Variants in LRRCC1 observed in about 807,000 individuals in gnomAD.
LRRCC1 encodes leucine-rich repeat and coiled-coil domain-containing protein 1.
In LRRCC1, 115 loss-of-function variants were observed where a neutral mutation model predicts 126.0. The observed-to-expected ratio is 0.91, with a 90% CI of 0.78 to 1.07. The LOEUF is 1.07. Ranked by LOEUF, LRRCC1 falls within the 50% of genes least tolerant of loss-of-function variation. The pLI, the probability that LRRCC1 is intolerant of heterozygous loss-of-function variation, is 0.00. For missense variants in LRRCC1, 1,172 were observed against 1,175.7 expected (o/e 1.00, Z 0.05); for synonymous variants, 400 against 393.4 (o/e 1.02, Z -0.20).
intron 8 of LRRCC1, among the ~76,000 whole-genome samples, chr8:85,125,309 A>G (rs1809890340): frequency 6.6e-6 from 1 of 152,174 alleles, no homozygotes; most frequent in African/African-American, 2.4e-5. Flanking sequence ...TACACTCAAA[A>G]AAATGTATAT....
chr8:85,141,877 A>C (rs1811277027), intron 18 of LRRCC1, among the ~76,000 whole-genome samples: 1 of 152,190 alleles, frequency 6.6e-6, no homozygotes, highest in South Asian at 2.1e-4. Flanking sequence ...CCTTGGAAAA[A>C]GTTATCAGAG....
chr8:85,111,767 G>A (rs1808736816), intron 3 of LRRCC1, among the ~76,000 whole-genome samples: 2 of 151,960 alleles, frequency 1.3e-5, no homozygotes, highest in African/African-American at 4.8e-5. Context: ...TTCACACCTA[G>A]AATAGCTAAA....
intron 17 of LRRCC1, 144 bp from the exon 18 acceptor site, chr8:85,141,232 GTTACCC>G (rs2136004580): frequency 1.9e-6 from 1 of 537,318 alleles, no homozygotes; most frequent in South Asian, 3.4e-5. Context: ...TATATCTTTA[GTTACCC>G]TATAATAGCC....
rs754615983 is a variant in LRRCC1 at position 85,129,961 on chromosome 8, G to T, written c.1669G>T (p.Asp557Tyr). 1 of 1,595,664 alleles carries T rather than the reference G, an allele frequency of 6.3e-7. No homozygotes were observed. The highest frequency in any genetic ancestry group is 1.1e-5 in the South Asian group (1 of 87,866). The change falls in exon 11 of 19, where the codon GAT becomes TAT. Residue 557 changes from aspartate (D) to tyrosine (Y), a missense_variant. Transcript: ENST00000360375. ...QEVELKASAA[D>Y]REIYLLRTSL... The stretch of plus-strand genomic sequence containing the variant: ...GGTGGAACTCAAAGCTTCAGCTGCC[G>T]ATAGAGAAATATACTTACTTAGAAC...
intron 17 of LRRCC1, among the ~76,000 whole-genome samples, chr8:85,139,889 T>C (rs1405809959): frequency 6.6e-6 from 1 of 152,212 alleles, no homozygotes; most frequent in African/African-American, 2.4e-5. Context: ...AATGGGAAAG[T>C]GTTGTTACAC....
At position 85,126,719 on chromosome 8, in the gene LRRCC1, G is replaced by A; in HGVS notation, c.1303G>A (p.Glu435Lys). ...TGTTGAACAGCTAGACCAAGAGAGA[G>A]AGAAGAGATGGAGAGCTGAGCAAGC... ...SLVEQLDQER[E>K]KRWRAEQAEN... Residue 435 changes from glutamate to lysine, a missense_variant, in exon 9 of 19, where the codon GAG becomes AAG. Coordinates refer to ENST00000360375, the MANE Select transcript of LRRCC1 (RefSeq NM_033402.5). 6.2e-7 allele frequency: 1 copy of A among 1,612,796 alleles called. No individual in the cohort carries two copies. The highest frequency in any genetic ancestry group is 8.5e-7 in the Non-Finnish European group (1 of 1,179,924).
At chr8:85,136,005 A>G in intron 14 of LRRCC1, 42 bp downstream of exon 14, 1 of 1,450,726 alleles carries the variant, frequency 6.9e-7, no homozygotes, top group Non-Finnish European at 9.2e-7. Flanking sequence ...GCTTATTCTT[A>G]TAAATGAGCA....
Position 85,134,922 on chromosome 8 carries a change from GA to G in LRRCC1, c.2048del (p.Asn683MetfsTer6). On this transcript the variant is annotated frameshift_variant, in exon 13 of 19. Coordinates refer to ENST00000360375, the MANE Select transcript of LRRCC1 (RefSeq NM_033402.5). LOFTEE classifies it high-confidence loss of function. ...KHALIWAQRK[E>X]NESSSLIKDL... The stretch of plus-strand genomic sequence containing the variant: ...TGCTCTTATTTGGGCTCAACGAAAA[GA>G]AAATGAGTCTTCCTCTTTAATTAAA... 1 of 1,596,938 alleles carries G rather than the reference GA, an allele frequency of 6.3e-7. No homozygotes were observed. Among genetic ancestry groups the G allele is most frequent in the South Asian group, 1.2e-5 (1 of 86,672 alleles).
chr8:85,142,428 T>A (rs1352012692), intron 18 of LRRCC1, among the ~76,000 whole-genome samples: 1 of 152,168 alleles, frequency 6.6e-6, no homozygotes, highest in Non-Finnish European at 1.5e-5. Flanking sequence ...GAATTTCCAT[T>A]TTTTCCTGCT....
rs202011356 is a variant in LRRCC1, at chr8:85,115,382, A to T, written c.728A>T (p.Asp243Val). ...PLNISEDEIIDRMPVITAPID... is the reference protein window; with the variant it reads ...PLNISEDEIIVRMPVITAPID... ...TTTGTTTCTGTGTCATAGATCATTG[A>T]TAGAATGCCAGTGATAACAGCACCT... The change falls in exon 6 of 19, where the codon GAT (aspartate) becomes GTT (valine). Residue 243 changes from aspartate (D) to valine (V), a missense_variant. Transcript: ENST00000360375. The T allele has an allele frequency of 8.7e-6, 14 of 1,612,288 alleles. No individual in the cohort carries two copies. In the East Asian group the frequency reaches 2.9e-4, roughly 33 times the overall value.
intron 6 of LRRCC1, among the ~76,000 whole-genome samples, chr8:85,123,063 C>T (rs959808821): frequency 1.3e-5 from 2 of 152,148 alleles, no homozygotes; most frequent in African/African-American, 2.4e-5. Flanking sequence ...GATACATTCT[C>T]AGGCTAAAAA....
At chr8:85,130,435 C>CCT (rs559348546) in intron 11 of LRRCC1, among the ~76,000 whole-genome samples, 43 of 152,116 alleles carry the variant, frequency 2.8e-4, no homozygotes, top group African/African-American at 9.2e-4. Flanking sequence ...AGCCACCGCG[C>CCT]CTGGCCCCCA....
intron 18 of LRRCC1, among the ~76,000 whole-genome samples, chr8:85,142,296 A>G (rs1378769334): frequency 2.0e-5 from 3 of 151,938 alleles, no homozygotes; most frequent in African/African-American, 2.4e-5. Flanking sequence ...TGTCTCAAAG[A>G]AAAAAAACAC....
chr8:85,145,269 T>C, intron 18 of LRRCC1, 120 bp from the exon 19 acceptor site: 1 of 730,774 alleles, frequency 1.4e-6, no homozygotes, highest in Admixed American at 3.7e-5. Flanking sequence ...GACATTTCTT[T>C]AAATACATCA....
rs1291947567 is a variant in LRRCC1 at position 85,123,437 on chromosome 8, C to G, written c.955C>G (p.Leu319Val). 1.3e-6 allele frequency: 2 copies of G among 1,597,980 alleles called. 1 individual carries two copies. ...NETSNSIDNV[L>V]EKDPRPKRDT... The stretch of plus-strand genomic sequence containing the variant: ...GACTTCTAATTCAATAGATAACGTT[C>G]TTGAGAAAGACCCCAGACCAAAAAG... The change falls in exon 7 of 19, where the codon CTT (leucine) becomes GTT (valine). Residue 319 changes from leucine to valine, a missense_variant. Transcript: ENST00000360375.
Position 85,113,093 on chromosome 8 carries a change from C to A in LRRCC1, c.538C>A (p.Leu180Met), listed in dbSNP as rs1417643402. The A allele has an allele frequency of 6.2e-7, 1 of 1,604,536 alleles. No homozygotes were observed. Among genetic ancestry groups the A allele is most frequent in the Admixed American group, 1.7e-5 (1 of 57,880 alleles). Reference sequence around the variant, plus strand: ...TGGAGACGATAATCCTGTCTGTCGACTGCCAGGTATGAATAATTAATTTAA... The same window carrying A: ...TGGAGACGATAATCCTGTCTGTCGAATGCCAGGTATGAATAATTAATTTAA... ...KDGDDNPVCRLPGYRAVILQT... is the reference protein window; with the variant it reads ...KDGDDNPVCRMPGYRAVILQT... The change falls in exon 4 of 19, where the codon CTG (leucine) becomes ATG (methionine). Residue 180 changes from leucine to methionine, a missense_variant. Leu to Met is a conservative substitution (Grantham distance 15). Transcript: ENST00000360375.
chr8:85,124,842 C>T lies in LRRCC1; in HGVS notation c.1175C>T (p.Ser392Leu), dbSNP rs749550564. 1.5e-5 allele frequency: 24 copies of T among 1,595,992 alleles called. No homozygotes were observed. The Admixed American group carries it at 3.8e-4, about 25-fold the overall frequency. Residue 392 changes from serine (S) to leucine (L), a missense_variant, in exon 8 of 19, where the codon TCA becomes TTA. Physicochemically the swap from Ser to Leu is moderately radical, Grantham distance 145. Coordinates refer to ENST00000360375, the MANE Select transcript of LRRCC1 (RefSeq NM_033402.5). ...TACCTTAAAGAATTATATGTAAGCT[C>T]ATCTTTAGCAAACTGTCCTATGTTA... ...PPYLKELYVS[S>L]SLANCPMLQE...
intron 18 of LRRCC1, among the ~76,000 whole-genome samples, chr8:85,141,883 C>CA (rs1157386678): frequency 6.6e-6 from 1 of 152,130 alleles, no homozygotes; most frequent in Admixed American, 6.6e-5. Flanking sequence ...AAAAAGTTAT[C>CA]AGAGTATTAG....
At position 85,107,266 on chromosome 8, in the gene LRRCC1, G is replaced by A; in HGVS notation, c.-30G>A. On this transcript the variant is annotated 5_prime_UTR_variant, in exon 1 of 19. Transcript: ENST00000360375. ...CTCACGGACCCCTCGCTGGGTGCCG[G>A]TTAAGACCCCGCTCCCCGTCGCCAG... 6.3e-7 allele frequency: 1 copy of A among 1,591,022 alleles called. No individual in the cohort carries two copies. Among genetic ancestry groups the A allele is most frequent in the South Asian group, 1.1e-5 (1 of 88,080 alleles).
Sources: allele counts gnomAD v4.1 joint callset (sites outside exome capture counted in the v4.1 genomes callset), GRCh38; gene constraint gnomAD v4.1.1; transcripts MANE v1.5; gene names NCBI Gene and HGNC (gene_info 2026-07-23, HGNC 2026-07-21).